Variants in PAIP2B observed in about 807,000 individuals in gnomAD.
The protein encoded by PAIP2B is poly(A) binding protein interacting protein 2B, also known as polyadenylate-binding protein-interacting protein 2B.
In PAIP2B, 13 loss-of-function variants were observed where a neutral mutation model predicts 17.0. The observed-to-expected ratio is 0.76, with a 90% CI of 0.50 to 1.22. PAIP2B has a LOEUF of 1.22. Among genes scored for constraint, PAIP2B ranks in the 50% most tolerant of loss-of-function variants. The pLI is 0.00. For synonymous variants in PAIP2B, 43 were observed against 48.7 expected, an observed-to-expected ratio of 0.88 and a Z score of 0.48; for missense variants, 117 against 144.5, an observed-to-expected ratio of 0.81 and a Z score of 0.98.
intron 1 of PAIP2B, among the ~76,000 whole-genome samples, chr2:71,205,943 C>T (rs1409927793): frequency 6.6e-6 from 1 of 152,132 alleles, no homozygotes; most frequent in Non-Finnish European, 1.5e-5. Context: ...GCATTTTCCT[C>T]CCAGTCAAGC....
At chr2:71,195,339 T>G (rs1055670856) in intron 2 of PAIP2B, among the ~76,000 whole-genome samples, 1 of 152,190 alleles carries the variant, frequency 6.6e-6, no homozygotes, top group Non-Finnish European at 1.5e-5. Flanking sequence ...TGGCTGTGAG[T>G]CCATCATGTC....
At chr2:71,189,312 C>CGCTAATTTTTGTATTTTTAGTAGAGA (rs1674622971) in intron 3 of PAIP2B, among the ~76,000 whole-genome samples, 1 of 152,056 alleles carries the variant, frequency 6.6e-6, no homozygotes, top group Non-Finnish European at 1.5e-5. Context: ...CGTGCCCAGC[C>CGCTAATTTTTGTATTTTTAGTAGAGA]TGCTCACAGA....
At chr2:71,215,960 C>T (rs1469136120) in intron 1 of PAIP2B, among the ~76,000 whole-genome samples, 1 of 152,054 alleles carries the variant, frequency 6.6e-6, no homozygotes, top group Non-Finnish European at 1.5e-5. Flanking sequence ...AAATGGAGTA[C>T]AAGAATTACC....
At chr2:71,215,841 A>T (rs1675417421) in intron 1 of PAIP2B, among the ~76,000 whole-genome samples, 2 of 152,212 alleles carry the variant, frequency 1.3e-5, no homozygotes, top group South Asian at 4.1e-4. Flanking sequence ...TGTGTACTTT[A>T]TATATCTGTG....
chr2:71,190,992 A>C (rs550551588), intron 2 of PAIP2B, among the ~76,000 whole-genome samples: 1 of 152,374 alleles, frequency 6.6e-6, no homozygotes, highest in South Asian at 2.1e-4. Flanking sequence ...ACATTGCCCT[A>C]AACTAAAGCA....
intron 1 of PAIP2B, among the ~76,000 whole-genome samples, chr2:71,213,620 A>G (rs1291178102): frequency 3.9e-5 from 6 of 152,232 alleles, no homozygotes; most frequent in Admixed American, 3.9e-4. Context: ...ATTTTCAGTA[A>G]GACTATTAGG....
At chr2:71,226,678 G>A (rs959947143) in intron 1 of PAIP2B, among the ~76,000 whole-genome samples, 13 of 152,120 alleles carry the variant, frequency 8.5e-5, no homozygotes, top group Non-Finnish European at 8.8e-5. Flanking sequence ...CACCTGTGCG[G>A]GGGGGAAAGG....
intron 1 of PAIP2B, among the ~76,000 whole-genome samples, chr2:71,209,512 C>G (rs569916950): frequency 6.6e-6 from 1 of 152,094 alleles, no homozygotes; most frequent in Non-Finnish European, 1.5e-5. Flanking sequence ...ATGGTGAACA[C>G]GAAATCAGAG....
At position 71,206,442 on chromosome 2, in the gene PAIP2B, C is replaced by T. The variant is rs75465961; in HGVS notation, c.-11-3842G>A. Among the ~76,000 whole-genome samples the T allele has an allele frequency of 3.6e-3, 544 of 152,276 alleles. 12 individuals carry two copies. In the East Asian group the frequency reaches 0.065, roughly 18 times the overall value. ...CACTTTGGCTGAAAATGGGAAAGCT[C>T]ACAACCCTGTTAATAGTCAATACAG... On this transcript the variant is annotated intron_variant, in intron 1 of 3. Coordinates refer to ENST00000244221, the MANE Select transcript of PAIP2B (RefSeq NM_020459.1).
intron 2 of PAIP2B, among the ~76,000 whole-genome samples, chr2:71,200,700 C>T (rs548568090): frequency 1.1e-4 from 17 of 152,124 alleles, no homozygotes; most frequent in African/African-American, 3.1e-4. Flanking sequence ...TGCAGTGAGC[C>T]GAGATTGAGC....
chr2:71,192,262 ATTT>A (rs56380844), intron 2 of PAIP2B, among the ~76,000 whole-genome samples: 24 of 142,248 alleles, frequency 1.7e-4, no homozygotes, highest in Non-Finnish European at 2.1e-4. Flanking sequence ...TAGATACTGC[ATTT>A]TTTTTTTTTT....
intron 1 of PAIP2B, among the ~76,000 whole-genome samples, chr2:71,217,259 G>A (rs1026410635): frequency 2.0e-5 from 3 of 152,088 alleles, no homozygotes; most frequent in Admixed American, 1.3e-4. Flanking sequence ...TCAGCCTCCC[G>A]AGTAGCTGGG....
chr2:71,189,004 C>CTTT (rs56008115), intron 3 of PAIP2B, among the ~76,000 whole-genome samples: 14 of 122,178 alleles, frequency 1.1e-4, no homozygotes, highest in East Asian at 2.3e-4. Context: ...TGCTCACAGA[C>CTTT]TTTTTTTTTT....
At chr2:71,192,437 T>C (rs1674709878) in intron 2 of PAIP2B, among the ~76,000 whole-genome samples, 1 of 152,126 alleles carries the variant, frequency 6.6e-6, no homozygotes, top group Non-Finnish European at 1.5e-5. Context: ...CTGTAATCAG[T>C]AATCTTTGAT....
Position 71,185,348 on chromosome 2 carries a change from A to C in PAIP2B, c.*3131T>G, listed in dbSNP as rs1674509570. 1 of 152,114 alleles carries C rather than the reference A, an allele frequency of 6.6e-6. No individual in the cohort carries two copies. The allele number at this position is 152,114 out of a possible 1,614,324, so 9.4% of individuals were successfully genotyped here. A position where few individuals can be genotyped will look rare whatever the true frequency, so the allele number is the denominator to read the frequency against. ...TGAGATGGGAGAATCACTTGAGCAC[A>C]ACAATTCAAGAGTAGCTTGGGAAAT... On this transcript the variant is annotated 3_prime_UTR_variant, in exon 4 of 4. Transcript: ENST00000244221.
At chr2:71,193,548 C>T (rs1674739769) in intron 2 of PAIP2B, among the ~76,000 whole-genome samples, 1 of 152,116 alleles carries the variant, frequency 6.6e-6, no homozygotes, top group Non-Finnish European at 1.5e-5. Context: ...GGTTGTCTTC[C>T]AGGGTTTTTA....
intron 2 of PAIP2B, among the ~76,000 whole-genome samples, chr2:71,199,680 C>A (rs1674928756): frequency 6.6e-6 from 1 of 152,054 alleles, no homozygotes; most frequent in African/African-American, 2.4e-5. Context: ...CATTCTCCTG[C>A]CTCAGCCTCC....
chr2:71,205,982 C>T (rs1397606853), intron 1 of PAIP2B, among the ~76,000 whole-genome samples: 1 of 152,186 alleles, frequency 6.6e-6, no homozygotes, highest in African/African-American at 2.4e-5. Flanking sequence ...CCCCAGATGA[C>T]AGATTGACTG....
intron 2 of PAIP2B, among the ~76,000 whole-genome samples, chr2:71,198,413 G>A (rs1384079534): frequency 1.3e-5 from 2 of 151,872 alleles, no homozygotes; most frequent in East Asian, 3.9e-4. Flanking sequence ...AGCCTCCCGA[G>A]TAGCTGGGAC....
Sources: allele counts gnomAD v4.1 joint callset (sites outside exome capture counted in the v4.1 genomes callset), GRCh38; gene constraint gnomAD v4.1.1; transcripts MANE v1.5; gene names NCBI Gene and HGNC (gene_info 2026-07-23, HGNC 2026-07-21).